Variants in MEF2D observed in about 807,000 individuals in gnomAD.
MEF2D encodes myocyte enhancer factor 2D.
In MEF2D, 10 loss-of-function variants were observed where a neutral mutation model predicts 59.3. The ratio of observed to expected loss-of-function variants is 0.17; its 90% confidence interval spans 0.10 to 0.29. MEF2D has a LOEUF of 0.29. Among genes scored for constraint, MEF2D ranks in the 10% least tolerant of loss-of-function variants. MEF2D has a pLI of 1.00. For missense variants in MEF2D, 508 were observed against 699.4 expected, an observed-to-expected ratio of 0.73 and a Z score of 3.09; for synonymous variants, 305 against 295.0, an observed-to-expected ratio of 1.03 and a Z score of -0.35.
At chr1:156,494,899 C>A (rs1194127694) in intron 1 of MEF2D, among the ~76,000 whole-genome samples, 1 of 152,172 alleles carries the variant, frequency 6.6e-6, no homozygotes. Flanking sequence ...CCGGGGAGTT[C>A]TAGCACATTC....
intron 9 of MEF2D, among the ~76,000 whole-genome samples, chr1:156,473,040 A>AGGGAGTCTCGCTCTGTCACCAGGC (rs1374066777): frequency 3.8e-4 from 53 of 138,432 alleles, no homozygotes; most frequent in African/African-American, 1.4e-3. Flanking sequence ...TTTTTTTGAG[A>AGGGAGTCTCGCTCTGTCACCAGGC]GGGAGTCTCG....
intron 1 of MEF2D, among the ~76,000 whole-genome samples, chr1:156,495,762 CAA>C (rs372092331): frequency 1.2e-4 from 9 of 78,004 alleles, no homozygotes; most frequent in Admixed American, 1.9e-4. Flanking sequence ...GACCAGGGGG[CAA>C]AAAAAAAAAA....
At chr1:156,478,198 C>CTT (rs1671744297) in intron 6 of MEF2D, among the ~76,000 whole-genome samples, 1 of 152,160 alleles carries the variant, frequency 6.6e-6, no homozygotes, top group African/African-American at 2.4e-5. Flanking sequence ...ACATATTCAC[C>CTT]CACCCCTTTA....
At position 156,479,398 on chromosome 1, in the gene MEF2D, T is replaced by A. The variant is rs573266354; in HGVS notation, c.608-52A>T. 3.8e-6 allele frequency: 6 copies of A among 1,582,904 alleles called. No individual in the cohort carries two copies. In the Admixed American group the frequency reaches 8.9e-5, roughly 23 times the overall value. ...GCTGACAACACTCCCGCTTCAAGAG[T>A]GAGTCTTGGGGACTGAACATGAAGA... On this transcript the variant is annotated intron_variant, in intron 5 of 11. Transcript: ENST00000348159.
intron 1 of MEF2D, among the ~76,000 whole-genome samples, chr1:156,495,352 T>G (rs1335270817): frequency 6.6e-6 from 1 of 152,174 alleles, no homozygotes; most frequent in African/African-American, 2.4e-5. Flanking sequence ...CTTACATCTC[T>G]GAGACTCAGT....
chr1:156,471,131 T>C (rs1671212671), intron 9 of MEF2D, among the ~76,000 whole-genome samples: 1 of 152,040 alleles, frequency 6.6e-6, no homozygotes, highest in Admixed American at 6.5e-5. Context: ...TCTCCACTCA[T>C]TGCAGCCTCC....
At chr1:156,492,638 C>T (rs1193003440) in intron 1 of MEF2D, among the ~76,000 whole-genome samples, 3 of 152,226 alleles carry the variant, frequency 2.0e-5, no homozygotes, top group East Asian at 1.9e-4. Context: ...GTTACCTAAC[C>T]CAATTTGGTC....
chr1:156,469,404 C>A (rs1671079134), intron 9 of MEF2D, among the ~76,000 whole-genome samples: 1 of 152,012 alleles, frequency 6.6e-6, no homozygotes, highest in Non-Finnish European at 1.5e-5. Context: ...ATTACAGGCA[C>A]ATGCCACCAC....
At chr1:156,499,737 C>A (rs1471049444) in intron 1 of MEF2D, among the ~76,000 whole-genome samples, 1 of 152,156 alleles carries the variant, frequency 6.6e-6, no homozygotes, top group Non-Finnish European at 1.5e-5. Context: ...CTGCAAACTT[C>A]TGGCCAGGGA....
At chr1:156,489,089 A>T (rs2102212340) in intron 1 of MEF2D, among the ~76,000 whole-genome samples, 1 of 152,336 alleles carries the variant, frequency 6.6e-6, no homozygotes, top group Admixed American at 6.5e-5. Flanking sequence ...CGCATCACAG[A>T]GCAGTGGGCC....
At chr1:156,487,193 T>C (rs1426311553) in intron 1 of MEF2D, among the ~76,000 whole-genome samples, 1 of 152,180 alleles carries the variant, frequency 6.6e-6, no homozygotes, top group African/African-American at 2.4e-5. Context: ...CCCCGCCTCA[T>C]GCTGGGGGAG....
chr1:156,476,989 C>T, intron 7 of MEF2D, 23 bp downstream of exon 7: 2 of 1,613,210 alleles, frequency 1.2e-6, no homozygotes, highest in South Asian at 1.1e-5. Flanking sequence ...CAGCCCCCAC[C>T]CTTGGCCCAG....
chr1:156,471,234 G>A lies in MEF2D; in HGVS notation c.1007-2214C>T, dbSNP rs553355257. ...CAACCTCTGCCTCCCAGGTTCAAGC[G>A]CTTTTCCTACCTCAGCTTCCCGAGT... On this transcript the variant is annotated intron_variant, in intron 9 of 11. Transcript: ENST00000348159. Among the ~76,000 whole-genome samples the A allele has an allele frequency of 9.9e-4, 151 of 152,120 alleles. 2 individuals are homozygous for A. Among genetic ancestry groups the A allele is most frequent in the Admixed American group, 9.3e-3 (142 of 15,252 alleles).
Position 156,482,657 on chromosome 1 carries a change from G to T in MEF2D, c.55-17C>A. On this transcript the variant is annotated splice_polypyrimidine_tract_variant and intron_variant, in intron 2 of 11. Transcript: ENST00000348159. ...GAAAGTCACCTGCAGAGAAGGATGG[G>T]TGGGCGGCCAGATCTGGCTCAGTTA... 1 of 1,613,732 alleles carries T rather than the reference G, an allele frequency of 6.2e-7. No individual in the cohort carries two copies. Among genetic ancestry groups the T allele is most frequent in the Non-Finnish European group, 8.5e-7 (1 of 1,179,618 alleles).
rs1441917689 is a variant in MEF2D at position 156,468,506 on chromosome 1, T to C, written c.1248-207A>G. ...GAGAAGGGAAATAAGAAATATTAGT[T>C]CTCTTTCCATCCCATGTCATCTTCT... On this transcript the variant is annotated intron_variant, in intron 10 of 11. Coordinates refer to ENST00000348159, the MANE Select transcript of MEF2D (RefSeq NM_005920.4). This position sits in a 1 kb window ranked among gnomAD's most constrained non-coding sequence, Gnocchi z 4.3. Among the ~76,000 whole-genome samples, 1 of 151,794 alleles carries C rather than the reference T, an allele frequency of 6.6e-6. No homozygotes were observed. The highest frequency in any genetic ancestry group is 1.5e-5 in the Non-Finnish European group (1 of 67,904).
chr1:156,485,597 T>TACAAATC (rs1672308582), intron 1 of MEF2D, among the ~76,000 whole-genome samples: 2 of 150,376 alleles, frequency 1.3e-5, no homozygotes, highest in Admixed American at 1.3e-4. Context: ...GGCTGGAGTG[T>TACAAATC]ACAAATCACA....
rs575977186 is a variant in MEF2D, at chr1:156,498,890, C to A, written c.-139+1596G>T. ...CCACCCCCATCTCCTGCCCAACACA[C>A]TGGGAAACCACAGGAAGGAAATTCA... On this transcript the variant is annotated intron_variant, in intron 1 of 11. Coordinates refer to ENST00000348159, the MANE Select transcript of MEF2D (RefSeq NM_005920.4). 3.9e-5 allele frequency among the ~76,000 whole-genome samples: 6 copies of A among 152,318 alleles called. No individual in the cohort carries two copies. The South Asian group carries it at 1.2e-3, about 32-fold the overall frequency.
In MEF2D at chr1:156,467,282, G is replaced by A. The variant is rs907191526; in HGVS notation, c.*363C>T. 24 of 152,652 alleles carry A rather than the reference G, an allele frequency of 1.6e-4. 1 individual carries two copies. The highest frequency in any genetic ancestry group is 4.1e-4 in the African/African-American group (17 of 41,340). The allele number at this position is 152,652 out of a possible 1,614,324, so 9.5% of individuals were successfully genotyped here. On this transcript the variant is annotated 3_prime_UTR_variant, in exon 12 of 12. Transcript: ENST00000348159. The stretch of plus-strand genomic sequence containing the variant: ...TGGGAGGGCTCCACATGCAGGGCTC[G>A]GCACCTGTCCTTTCCCAAAGGCCTT...
intron 1 of MEF2D, among the ~76,000 whole-genome samples, chr1:156,496,938 G>C (rs1395298269): frequency 6.6e-6 from 1 of 152,212 alleles, no homozygotes; most frequent in Non-Finnish European, 1.5e-5. Flanking sequence ...TAAATATTCC[G>C]AGATCCAAAT....
Sources: gnomAD v4.1 joint callset for allele counts (sites outside exome capture counted in the v4.1 genomes callset) on GRCh38, gnomAD v4.1.1 for gene constraint, Gnocchi (gnomAD v3.1) non-coding constraint, MANE v1.5 for transcripts, NCBI Gene and HGNC (gene_info 2026-07-23, HGNC 2026-07-21) for gene names.